BEND6: variants seen among roughly 807,000 people sequenced by gnomAD.
BEND6 encodes the protein BEN domain-containing protein 6.
Under a neutral mutation model 31.8 loss-of-function variants are expected in BEND6, and 24 were observed. The ratio of observed to expected loss-of-function variants is 0.75; its 90% CI spans 0.55 to 1.06. The LOEUF is 1.06. Among genes scored for constraint, BEND6 ranks in the 50% least tolerant of loss-of-function variants. The probability of loss-of-function intolerance (pLI) is 0.00; values close to 1 mark genes in which losing one functional copy is unlikely to be tolerated. For synonymous variants in BEND6, 109 were observed against 114.6 expected (o/e 0.95, Z 0.31); for missense variants, 294 against 327.4 (o/e 0.90, Z 0.79).
intron 3 of BEND6, among the ~76,000 whole-genome samples, chr6:56,999,966 C>T (rs1024704719): frequency 1.3e-5 from 2 of 149,068 alleles, no homozygotes; most frequent in Non-Finnish European, 3.0e-5. Flanking sequence ...AGGTGAGGAG[C>T]GCCTCTGCCT....
chr6:57,006,292 G>A (rs922147900), intron 3 of BEND6, among the ~76,000 whole-genome samples: 8 of 152,192 alleles, frequency 5.3e-5, no homozygotes, highest in Non-Finnish European at 7.4e-5. Context: ...GGCCAGCTTC[G>A]TAGATGTGTG....
At chr6:56,969,926 A>G (rs752561501) in intron 1 of BEND6, among the ~76,000 whole-genome samples, 29 of 152,142 alleles carry the variant, frequency 1.9e-4, no homozygotes, top group Non-Finnish European at 1.3e-4. Flanking sequence ...TGCTTAGGAC[A>G]TTATTTTTCA....
At chr6:56,995,353 T>C (rs904993053) in intron 3 of BEND6, among the ~76,000 whole-genome samples, 1 of 152,200 alleles carries the variant, frequency 6.6e-6, no homozygotes, top group Non-Finnish European at 1.5e-5. Context: ...CTCCCTGTTA[T>C]TCTTTCTGGA....
intron 2 of BEND6, among the ~76,000 whole-genome samples, chr6:56,986,671 A>G (rs965147279): frequency 7.2e-5 from 11 of 152,190 alleles, no homozygotes; most frequent in Admixed American, 1.3e-4. Flanking sequence ...TTTAAGCCTC[A>G]ATGAATTCTA....
At chr6:56,979,754 C>T (rs555344644) in intron 1 of BEND6, among the ~76,000 whole-genome samples, 5 of 152,332 alleles carry the variant, frequency 3.3e-5, no homozygotes, top group African/African-American at 1.2e-4. Flanking sequence ...TAATATCCTA[C>T]ATTTGGCCTA....
intron 1 of BEND6, among the ~76,000 whole-genome samples, chr6:56,957,993 CT>C (rs1290563948): frequency 1.3e-5 from 2 of 152,110 alleles, no homozygotes; most frequent in East Asian, 3.9e-4. Flanking sequence ...CATCTTATTC[CT>C]TTTTTCTTAC....
intron 6 of BEND6, among the ~76,000 whole-genome samples, chr6:57,022,059 G>GT (rs1001863983): frequency 2.7e-5 from 4 of 150,468 alleles, no homozygotes; most frequent in Admixed American, 6.6e-5. Flanking sequence ...CTGTAGTTTT[G>GT]TTTTTTTGTT....
chr6:56,962,470 G>A (rs978316338), intron 1 of BEND6, among the ~76,000 whole-genome samples: 5 of 152,206 alleles, frequency 3.3e-5, no homozygotes, highest in African/African-American at 1.2e-4. Flanking sequence ...ATCTCTCAGT[G>A]TGGCTAGTTC....
intron 2 of BEND6, among the ~76,000 whole-genome samples, chr6:56,984,527 G>A (rs1826187579): frequency 6.6e-6 from 1 of 152,176 alleles, no homozygotes; most frequent in South Asian, 2.1e-4. Context: ...TGCAGGTTTA[G>A]GGAAACTCAA....
intron 2 of BEND6, among the ~76,000 whole-genome samples, chr6:56,983,231 G>T (rs1277484054): frequency 6.6e-6 from 1 of 152,136 alleles, no homozygotes; most frequent in African/African-American, 2.4e-5. Flanking sequence ...CATATAGATA[G>T]TAAGAAGGTT....
chr6:57,001,824 C>T (rs1287566416), intron 3 of BEND6, among the ~76,000 whole-genome samples: 2 of 152,156 alleles, frequency 1.3e-5, no homozygotes, highest in Non-Finnish European at 2.9e-5. Context: ...TGTAAAATAA[C>T]CACATGATAG....
At chr6:56,995,894 A>G (rs919021505) in intron 3 of BEND6, among the ~76,000 whole-genome samples, 1 of 152,200 alleles carries the variant, frequency 6.6e-6, no homozygotes, top group African/African-American at 2.4e-5. Context: ...ATCACTTGTC[A>G]TCTTAAGTGC....
chr6:57,020,839 T>G (rs1487850396), intron 6 of BEND6, among the ~76,000 whole-genome samples: 1 of 147,218 alleles, frequency 6.8e-6, no homozygotes. Context: ...TCTTGTTTTT[T>G]TTTTTTTTTT....
intron 1 of BEND6, among the ~76,000 whole-genome samples, chr6:56,962,513 G>A (rs1355594424): frequency 6.6e-6 from 1 of 152,114 alleles, no homozygotes; most frequent in Non-Finnish European, 1.5e-5. Context: ...GATCCTCTAG[G>A]GTTTGGTGAC....
intron 2 of BEND6, among the ~76,000 whole-genome samples, chr6:56,986,060 C>T (rs1233104086): frequency 1.3e-5 from 2 of 152,148 alleles, no homozygotes; most frequent in Admixed American, 1.3e-4. Context: ...ATTATGGTAT[C>T]AATAGGCTAT....
chr6:57,010,744 A>C (rs1284293973), intron 3 of BEND6: 5 of 883,724 alleles, frequency 5.7e-6, no homozygotes, highest in Middle Eastern at 5.8e-4. Flanking sequence ...TAAATTCTAC[A>C]AAATTGTTGG....
chr6:56,957,114 A>C (rs58191647), intron 1 of BEND6, among the ~76,000 whole-genome samples: 1,526 of 152,314 alleles, frequency 0.01, 27 homozygotes, highest in African/African-American at 0.034. Context: ...TTTTTTAACA[A>C]CAAAAAGCAA....
chr6:57,011,084 G>A (rs1019744420), intron 3 of BEND6: 2 of 158,536 alleles, frequency 1.3e-5, no homozygotes, highest in Admixed American at 1.3e-4. Context: ...ATAGATAATT[G>A]ATAGAAGAAA....
intron 2 of BEND6, 124 bp from the exon 3 acceptor site, chr6:56,992,254 C>A: frequency 9.2e-7 from 1 of 1,090,380 alleles, no homozygotes; most frequent in Non-Finnish European, 1.3e-6. Flanking sequence ...GGGGCTAGAT[C>A]AGCAGCAGGA....
Sources: allele counts gnomAD v4.1 joint callset (sites outside exome capture counted in the v4.1 genomes callset), GRCh38; gene constraint gnomAD v4.1.1; transcripts MANE v1.5; gene names NCBI Gene and HGNC (gene_info 2026-07-23, HGNC 2026-07-21).